The following DPP10 variants were observed in gnomAD, a reference collection of about 807,000 sequenced individuals.
DPP10 encodes the protein dipeptidyl peptidase like 10, also known as inactive dipeptidyl peptidase 10.
DPP10 carries 33 observed loss-of-function variants against 120.9 expected under a neutral mutation model. The ratio of observed to expected loss-of-function variants is 0.27; its 90% CI spans 0.21 to 0.37. The LOEUF (loss-of-function observed/expected upper bound fraction) is 0.37, where lower values mean the gene tolerates loss of function less well. DPP10 is among the 10% of genes least tolerant of loss of function. The pLI is 1.00. For synonymous variants in DPP10, 337 were observed against 326.1 expected, an observed-to-expected ratio of 1.03 and a Z score of -0.36; for missense variants, 816 against 942.8, an observed-to-expected ratio of 0.87 and a Z score of 1.76.
chr2:115,830,685 G>T (rs933756201), intron 21 of DPP10, among the ~76,000 whole-genome samples: 2 of 152,062 alleles, frequency 1.3e-5, no homozygotes, highest in African/African-American at 4.8e-5. Context: ...GTAAAGAAGA[G>T]AAATAAATAA....
intron 1 of DPP10, among the ~76,000 whole-genome samples, chr2:114,816,156 G>T (rs747893923): frequency 6.6e-6 from 1 of 152,288 alleles, no homozygotes; most frequent in African/African-American, 2.4e-5. Context: ...CGCCAGTCAC[G>T]TTGGCCTCTA....
At position 115,627,837 on chromosome 2, in the gene DPP10, T is replaced by C. The variant is rs1348438895; in HGVS notation, c.442-61850T>C. 5.9e-5 allele frequency among the ~76,000 whole-genome samples: 9 copies of C among 152,198 alleles called. No homozygotes were observed. In the South Asian group the frequency reaches 1.9e-3, roughly 31 times the overall value. On this transcript the variant is annotated intron_variant, in intron 5 of 25. Coordinates refer to ENST00000410059, the MANE Select transcript of DPP10 (RefSeq NM_020868.6). ...GGATAATGGCTCCCGGCTCCATCCATGTCTCTGCAAAGACATGATCTCCTT... is the reference window on the plus strand; with the variant it reads ...GGATAATGGCTCCCGGCTCCATCCACGTCTCTGCAAAGACATGATCTCCTT...
chr2:115,757,426 C>T (rs182470696), intron 11 of DPP10, among the ~76,000 whole-genome samples: 32 of 152,142 alleles, frequency 2.1e-4, no homozygotes, highest in Admixed American at 2.0e-3. Context: ...GAAGAAGTCA[C>T]ATCTTATGTG....
chr2:115,492,989 C>G (rs1011284313), intron 3 of DPP10, among the ~76,000 whole-genome samples: 8 of 152,052 alleles, frequency 5.3e-5, no homozygotes, highest in African/African-American at 1.9e-4. Context: ...GTAAGAAAAT[C>G]TGAGTGGGAG....
chr2:115,678,089 T>C lies in DPP10; in HGVS notation c.442-11598T>C, dbSNP rs557274245. Among the ~76,000 whole-genome samples the C allele has an allele frequency of 5.3e-5, 8 of 152,350 alleles. No individual in the cohort carries two copies. The East Asian group carries it at 1.5e-3, about 29-fold the overall frequency. On this transcript the variant is annotated intron_variant, in intron 5 of 25. Coordinates refer to ENST00000410059, the MANE Select transcript of DPP10 (RefSeq NM_020868.6). Reference sequence around the variant, plus strand: ...TAAGAGGAAGCAGAGCATAAAACTTTAGAAAATTTTCAGTCTGATGATGCA... The same window carrying C: ...TAAGAGGAAGCAGAGCATAAAACTTCAGAAAATTTTCAGTCTGATGATGCA...
At chr2:115,636,477 G>C (rs2086341894) in intron 5 of DPP10, among the ~76,000 whole-genome samples, 1 of 151,970 alleles carries the variant, frequency 6.6e-6, no homozygotes, top group African/African-American at 2.4e-5. Flanking sequence ...ATATTCTTGG[G>C]AGGCCCATAC....
intron 1 of DPP10, among the ~76,000 whole-genome samples, chr2:115,201,361 G>A (rs750731824): frequency 7.2e-5 from 11 of 152,144 alleles, no homozygotes; most frequent in Non-Finnish European, 1.0e-4. Context: ...TACCTGAGAG[G>A]CTGAAGCAGG....
chr2:114,991,735 G>A (rs1218126456), intron 1 of DPP10, among the ~76,000 whole-genome samples: 4 of 152,170 alleles, frequency 2.6e-5, no homozygotes, highest in Non-Finnish European at 5.9e-5. Context: ...ATCAGTTAGA[G>A]GACAGAACCA....
At chr2:115,091,232 A>C (rs977180575) in intron 1 of DPP10, among the ~76,000 whole-genome samples, 5 of 152,068 alleles carry the variant, frequency 3.3e-5, no homozygotes, top group Non-Finnish European at 7.4e-5. Flanking sequence ...TACCTTGTGG[A>C]TTTGCATCTA....
At chr2:114,953,487 T>C (rs72832498) in intron 1 of DPP10, among the ~76,000 whole-genome samples, 2,689 of 152,240 alleles carry the variant, frequency 0.018, 43 homozygotes, top group Non-Finnish European at 0.027. Context: ...TATGTGTGTG[T>C]GTGCGTGTGT....
chr2:114,779,763 G>A (rs1224107700), intron 1 of DPP10, among the ~76,000 whole-genome samples: 1 of 152,174 alleles, frequency 6.6e-6, no homozygotes, highest in African/African-American at 2.4e-5. Context: ...ATTTTATCAG[G>A]TGGGATTTAG....
At position 115,771,817 on chromosome 2, in the gene DPP10, A is replaced by G. The variant is rs550370626; in HGVS notation, c.1221+3413A>G. 2.6e-5 allele frequency among the ~76,000 whole-genome samples: 4 copies of G among 152,180 alleles called. No individual in the cohort carries two copies. In the South Asian group the frequency reaches 6.2e-4, roughly 24 times the overall value. On this transcript the variant is annotated intron_variant, in intron 13 of 25. Transcript: ENST00000410059. ...GAGAGCTTACTAGTTCACTCAGAAT[A>G]TATTTATTTGCTTGAAGTACCTTAC...
intron 21 of DPP10, among the ~76,000 whole-genome samples, chr2:115,827,414 GTATATATATATATATA>G (rs70941101): frequency 8.0e-5 from 6 of 75,452 alleles, no homozygotes; most frequent in African/African-American, 2.4e-4. Context: ...ATGTGTGTGT[GTATATATATATATATA>G]TATATATATA....
intron 1 of DPP10, among the ~76,000 whole-genome samples, chr2:115,084,956 G>A (rs1361625196): frequency 6.6e-6 from 1 of 152,134 alleles, no homozygotes; most frequent in Non-Finnish European, 1.5e-5. Context: ...AAGTTGGCTT[G>A]TTCAGAAAGA....
chr2:114,789,441 C>G (rs1294407702), intron 1 of DPP10, among the ~76,000 whole-genome samples: 5 of 152,152 alleles, frequency 3.3e-5, no homozygotes, highest in Non-Finnish European at 7.3e-5. Context: ...AGAAAGTGAT[C>G]AGGAATGGAG....
intron 1 of DPP10, among the ~76,000 whole-genome samples, chr2:114,838,154 C>T (rs1213741795): frequency 6.6e-6 from 1 of 152,118 alleles, no homozygotes; most frequent in Non-Finnish European, 1.5e-5. Context: ...CATATCACCT[C>T]CACTAAATCC....
chr2:115,514,393 G>A (rs1036066870), intron 4 of DPP10, among the ~76,000 whole-genome samples: 7 of 151,100 alleles, frequency 4.6e-5, no homozygotes, highest in Non-Finnish European at 8.9e-5. Context: ...AGTCTTTATG[G>A]TTTTCCTTCT....
intron 5 of DPP10, among the ~76,000 whole-genome samples, chr2:115,557,153 GTC>G (rs893896730): frequency 6.6e-6 from 1 of 152,192 alleles, no homozygotes; most frequent in East Asian, 1.9e-4. Flanking sequence ...GTCTGTGGGT[GTC>G]TCTCTCTCCC....
chr2:115,639,981 A>T (rs1257236058), intron 5 of DPP10, among the ~76,000 whole-genome samples: 1 of 149,958 alleles, frequency 6.7e-6, no homozygotes. Flanking sequence ...TTTTTTAGAG[A>T]AGATAAAATT....
Sources: gnomAD v4.1 joint callset for allele counts (sites outside exome capture counted in the v4.1 genomes callset) on GRCh38, gnomAD v4.1.1 for gene constraint, MANE v1.5 for transcripts, NCBI Gene and HGNC (gene_info 2026-07-23, HGNC 2026-07-21) for gene names.